GLDN: variants seen among roughly 807,000 people sequenced by gnomAD.
GLDN encodes the protein collomin.
In GLDN, 47 loss-of-function variants were observed where a neutral mutation model predicts 56.5. The observed-to-expected ratio is 0.83, with a 90% CI of 0.66 to 1.06. The LOEUF (loss-of-function observed/expected upper bound fraction) is 1.06, where lower values mean the gene tolerates loss of function less well. Among genes scored for constraint, GLDN ranks in the 50% least tolerant of loss-of-function variants. The pLI is 0.00. For synonymous variants in GLDN, 332 were observed against 278.8 expected (o/e 1.19, Z -1.90); for missense variants, 782 against 714.3 (o/e 1.09, Z -1.08).
downstream of GLDN, among the ~76,000 whole-genome samples, chr15:51,409,027 C>T (rs149836926): frequency 0.01 from 1,496 of 147,804 alleles, 13 homozygotes; most frequent in Middle Eastern, 0.04. Context: ...CTAACCATTT[C>T]TGCAGCCCTA....
At chr15:51,360,187 G>A (rs1301164816) in intron 1 of GLDN, 2 of 152,160 alleles carry the variant, frequency 1.3e-5, no homozygotes, top group Non-Finnish European at 2.9e-5. Flanking sequence ...GGAGGAGCAG[G>A]CTGAACGAGA....
At chr15:51,372,674 A>G (rs1466816455) in intron 1 of GLDN, among the ~76,000 whole-genome samples, 1 of 152,164 alleles carries the variant, frequency 6.6e-6, no homozygotes, top group Non-Finnish European at 1.5e-5. Flanking sequence ...ATTTATTGTC[A>G]TCTTCTCTCA....
At chr15:51,392,195 G>T (rs534002914) in intron 4 of GLDN, among the ~76,000 whole-genome samples, 5 of 152,286 alleles carry the variant, frequency 3.3e-5, no homozygotes, top group Admixed American at 6.5e-5. Context: ...TAGGGTAGGG[G>T]TCCCCAGCCC....
intron 1 of GLDN, chr15:51,360,318 A>T (rs1566937777): frequency 6.6e-6 from 1 of 152,282 alleles, no homozygotes; most frequent in Non-Finnish European, 1.5e-5. Context: ...AGAGCTTATT[A>T]TCAGTGTGGC....
chr15:51,359,386 G>A (rs909949566), intron 1 of GLDN, among the ~76,000 whole-genome samples: 1 of 152,244 alleles, frequency 6.6e-6, no homozygotes, highest in Non-Finnish European at 1.5e-5. Flanking sequence ...AGCTAAGGCT[G>A]CAGGATCCCT....
At chr15:51,390,443 T>A (rs1261703498) in intron 4 of GLDN, among the ~76,000 whole-genome samples, 1 of 152,240 alleles carries the variant, frequency 6.6e-6, no homozygotes, top group Non-Finnish European at 1.5e-5. Context: ...CTATGAAGTC[T>A]GATGTTCCAT....
intron 9 of GLDN, among the ~76,000 whole-genome samples, chr15:51,403,023 C>T (rs548610614): frequency 6.6e-6 from 1 of 152,312 alleles, no homozygotes; most frequent in South Asian, 2.1e-4. Flanking sequence ...AGGGCTATTG[C>T]CACACGGAGG....
At chr15:51,348,372 G>A (rs1024023431) in intron 1 of GLDN, among the ~76,000 whole-genome samples, 2 of 151,162 alleles carry the variant, frequency 1.3e-5, no homozygotes, top group South Asian at 4.2e-4. Flanking sequence ...TTACAGTGTC[G>A]CCCAAGCTGG....
chr15:51,413,238 A>G, the GLDN span, among the ~76,000 whole-genome samples: 1 of 152,178 alleles, frequency 6.6e-6, no homozygotes, highest in Admixed American at 6.5e-5. Flanking sequence ...GCCTTTTTAA[A>G]AACTAATTTT....
chr15:51,412,522 C>G (rs555860407), downstream of GLDN, among the ~76,000 whole-genome samples: 19 of 152,226 alleles, frequency 1.2e-4, no homozygotes, highest in African/African-American at 4.3e-4. Flanking sequence ...CTCTCTATCC[C>G]CCAACTTGTG....
intron 4 of GLDN, among the ~76,000 whole-genome samples, chr15:51,392,341 G>C (rs74369449): frequency 0.024 from 3,688 of 152,218 alleles, 69 homozygotes; most frequent in East Asian, 0.065. Flanking sequence ...GCTCCCTTCA[G>C]ATCAGCAGCA....
chr15:51,409,132 A>G (rs1360417315), downstream of GLDN, among the ~76,000 whole-genome samples: 3 of 150,206 alleles, frequency 2.0e-5, no homozygotes, highest in African/African-American at 7.3e-5. Context: ...CACCATGTGA[A>G]TAGTTTCCAT....
downstream of GLDN, among the ~76,000 whole-genome samples, chr15:51,411,456 G>A (rs1463056531): frequency 6.6e-6 from 1 of 152,232 alleles, no homozygotes; most frequent in African/African-American, 2.4e-5. Flanking sequence ...TGTAGACTTT[G>A]TGGGCATTTG....
chr15:51,356,939 CA>C (rs2037198218), intron 1 of GLDN, among the ~76,000 whole-genome samples: 1 of 152,164 alleles, frequency 6.6e-6, no homozygotes, highest in Non-Finnish European at 1.5e-5. Flanking sequence ...AGAAAAACAG[CA>C]GATTCTAGAA....
chr15:51,389,879 G>C (rs1273754085), intron 4 of GLDN, among the ~76,000 whole-genome samples: 1 of 152,122 alleles, frequency 6.6e-6, no homozygotes, highest in Non-Finnish European at 1.5e-5. Context: ...AAGGTCAGGG[G>C]GTTCAGCTCC....
At chr15:51,352,807 C>T (rs1257627899) in intron 1 of GLDN, among the ~76,000 whole-genome samples, 1 of 152,204 alleles carries the variant, frequency 6.6e-6, no homozygotes, top group Non-Finnish European at 1.5e-5. Flanking sequence ...AAGCTTCCCT[C>T]GTTCTTTCCT....
chr15:51,405,840 C>T lies in GLDN; in HGVS notation c.*1086C>T, dbSNP rs1325967770. 6.6e-6 allele frequency: 1 copy of T among 152,150 alleles called. No individual in the cohort carries two copies. Among genetic ancestry groups the T allele is most frequent in the African/African-American group, 2.4e-5 (1 of 41,402 alleles). 9.4% of individuals were successfully genotyped at this position (152,150 alleles called of 1,614,324 possible). A position where few individuals can be genotyped will look rare whatever the true frequency, so the allele number is the denominator to read the frequency against. ...TTTTTAAATAAGGTTTTACTGAGCA[C>T]AGCCACACTCATTTGTTTATGCAGT... is the stretch of plus-strand genomic sequence containing the variant. On this transcript the variant is annotated 3_prime_UTR_variant, in exon 10 of 10. Transcript: ENST00000335449.
rs556044076 is a variant in GLDN, at chr15:51,393,054, T to C, written c.542-1781T>C. Among the ~76,000 whole-genome samples, 21 of 152,348 alleles carry C rather than the reference T, an allele frequency of 1.4e-4. 1 individual carries two copies. In the South Asian group the frequency reaches 4.1e-3, roughly 30 times the overall value. ...TCACCATTAAGGATGATGTTAGCTG[T>C]AGGTTTTTTTGTAGATGTCCTTTTC... is the stretch of plus-strand genomic sequence containing the variant. On this transcript the variant is annotated intron_variant, in intron 4 of 9. Coordinates refer to ENST00000335449, the MANE Select transcript of GLDN (RefSeq NM_181789.4).
chr15:51,363,294 T>G (rs1025548739), intron 1 of GLDN, among the ~76,000 whole-genome samples: 2 of 152,196 alleles, frequency 1.3e-5, no homozygotes, highest in African/African-American at 4.8e-5. Flanking sequence ...AGACTGTTAT[T>G]TTTTCAAGTC....
Sources: gnomAD v4.1 joint callset for allele counts (sites outside exome capture counted in the v4.1 genomes callset) on GRCh38, gnomAD v4.1.1 for gene constraint, MANE v1.5 for transcripts, NCBI Gene and HGNC (gene_info 2026-07-23, HGNC 2026-07-21) for gene names.